The following TNIK variants were observed in gnomAD, a reference collection of about 807,000 sequenced individuals.
TNIK encodes TRAF2 and NCK-interacting protein kinase.
In TNIK, 49 loss-of-function variants were observed where a neutral mutation model predicts 191.3. The observed-to-expected ratio is 0.26, with a 90% CI of 0.20 to 0.32. TNIK has a LOEUF of 0.32. Among genes scored for constraint, TNIK ranks in the 10% least tolerant of loss-of-function variants. The pLI is 1.00. For missense variants in TNIK, 1,155 were observed against 1,702.3 expected, an observed-to-expected ratio of 0.68 and a Z score of 5.66; for synonymous variants, 594 against 600.9, an observed-to-expected ratio of 0.99 and a Z score of 0.17.
intron 18 of TNIK, among the ~76,000 whole-genome samples, chr3:171,117,410 CAT>C (rs1726901497): frequency 6.6e-6 from 1 of 152,160 alleles, no homozygotes; most frequent in Admixed American, 6.6e-5. Flanking sequence ...ACCTTGGACA[CAT>C]GTTAATTTCA....
chr3:171,435,848 C>G (rs1409372796), intron 1 of TNIK, among the ~76,000 whole-genome samples: 2 of 152,014 alleles, frequency 1.3e-5, no homozygotes, highest in African/African-American at 4.8e-5. Flanking sequence ...TTTCCAGATC[C>G]TAAGCCAGAA....
intron 2 of TNIK, among the ~76,000 whole-genome samples, chr3:171,305,356 T>TG (rs11440017): frequency 0.022 from 3,416 of 152,120 alleles, 70 homozygotes; most frequent in African/African-American, 0.057. Context: ...AAGCAAAACT[T>TG]GACAAATGGG....
intron 1 of TNIK, among the ~76,000 whole-genome samples, chr3:171,375,356 G>T (rs918501612): frequency 2.6e-5 from 4 of 152,072 alleles, no homozygotes; most frequent in Admixed American, 6.6e-5. Flanking sequence ...AACTAATCTG[G>T]CCAGTAAACG....
intron 7 of TNIK, among the ~76,000 whole-genome samples, chr3:171,183,921 T>TA (rs11437224): frequency 0.22 from 18,663 of 86,096 alleles, 2,027 homozygotes; most frequent in East Asian, 0.44. Flanking sequence ...GACTCCGTCT[T>TA]AAAAAAAAAA....
At chr3:171,148,945 T>C (rs756137918) in intron 12 of TNIK, among the ~76,000 whole-genome samples, 2 of 152,216 alleles carry the variant, frequency 1.3e-5, no homozygotes, top group Non-Finnish European at 2.9e-5. Context: ...TTGAAGAATA[T>C]TGCAAAAGGA....
At chr3:171,343,304 GA>G (rs967480541) in intron 2 of TNIK, among the ~76,000 whole-genome samples, 1 of 151,898 alleles carries the variant, frequency 6.6e-6, no homozygotes, top group Non-Finnish European at 1.5e-5. Flanking sequence ...ATGATGTAAT[GA>G]AAATGAGACT....
intron 2 of TNIK, among the ~76,000 whole-genome samples, chr3:171,312,058 C>G (rs1754077341): frequency 8.0e-6 from 1 of 124,440 alleles, no homozygotes; most frequent in African/African-American, 3.1e-5. Context: ...GGAGGGGAGA[C>G]ATTTTGTGGC....
rs565066249 is a variant in TNIK, at chr3:171,128,739, G to A, written c.1748C>T (p.Pro583Leu). 7.4e-6 allele frequency: 12 copies of A among 1,613,464 alleles called. No individual in the cohort carries two copies. In the Admixed American group the frequency reaches 1.2e-4, roughly 16 times the overall value. ...CTGGGGATCGACTGGTCTGAGCATGGGGGGTGTTCGAGCAGGCTGAACTCC... is the reference window on the plus strand; with the variant it reads ...CTGGGGATCGACTGGTCTGAGCATGAGGGGTGTTCGAGCAGGCTGAACTCC... ...ISGVQPARTP[P>L]MLRPVDPQIP... is the part of the protein sequence containing the mutation. The change falls in exon 16 of 33, where the codon CCC (proline) becomes CTC (leucine). Residue 583 changes from proline (P) to leucine (L), a missense_variant. Pro to Leu is a moderately conservative substitution (Grantham distance 98). This residue lies in a region of TNIK where 735 missense variants were observed against 848.0 expected (regional missense o/e 0.87). Coordinates refer to ENST00000436636, the MANE Select transcript of TNIK (RefSeq NM_015028.4).
In TNIK at chr3:171,128,886, CCAA is replaced by C; in HGVS notation, c.1609-11_1609-9del. 4.2e-6 allele frequency: 5 copies of C among 1,202,196 alleles called. No homozygotes were observed. The highest frequency in any genetic ancestry group is 3.1e-6 in the Non-Finnish European group (3 of 954,624). 74.5% of individuals were successfully genotyped at this position (1,202,196 alleles called of 1,614,324 possible). On this transcript the variant is annotated splice_polypyrimidine_tract_variant and intron_variant, in intron 15 of 32. Coordinates refer to ENST00000436636, the MANE Select transcript of TNIK (RefSeq NM_015028.4). The stretch of plus-strand genomic sequence containing the variant: ...CCTTGACCGTTCTTCTACCTACAAC[CCAA>C]AAAAAAAAAAAAAAAAAAGACAGCC...
chr3:171,090,974 A>G (rs1721981825), intron 23 of TNIK, among the ~76,000 whole-genome samples: 1 of 152,158 alleles, frequency 6.6e-6, no homozygotes, highest in African/African-American at 2.4e-5. Flanking sequence ...ATCTTATTAT[A>G]ATGAGTTTTT....
At chr3:171,184,414 T>C (rs1737107790) in intron 7 of TNIK, among the ~76,000 whole-genome samples, 2 of 152,204 alleles carry the variant, frequency 1.3e-5, no homozygotes, top group Non-Finnish European at 2.9e-5. Flanking sequence ...AATAGCTCAC[T>C]CTCTTCCCCT....
intron 12 of TNIK, among the ~76,000 whole-genome samples, chr3:171,145,779 C>CTTTTTTTTTTTTTTTTT (rs397875512): frequency 1.5e-5 from 2 of 133,402 alleles, no homozygotes; most frequent in African/African-American, 2.7e-5. Flanking sequence ...TCAGTCTTTC[C>CTTTTTTTTTTTTTTTTT]TTTTTTTTTT....
At chr3:171,147,360 A>G (rs1215043576) in intron 12 of TNIK, among the ~76,000 whole-genome samples, 2 of 152,176 alleles carry the variant, frequency 1.3e-5, no homozygotes, top group Non-Finnish European at 2.9e-5. Flanking sequence ...TTTAAATAGG[A>G]CCATTCTGTA....
At chr3:171,353,418 G>A (rs926085897) in intron 2 of TNIK, among the ~76,000 whole-genome samples, 1 of 152,156 alleles carries the variant, frequency 6.6e-6, no homozygotes, top group Non-Finnish European at 1.5e-5. Flanking sequence ...CTTACTTTAT[G>A]ATGTTGCGGA....
At position 171,190,709 on chromosome 3, in the gene TNIK, C is replaced by G; in HGVS notation, c.496G>C (p.Glu166Gln). The G allele has an allele frequency of 6.3e-7, 1 of 1,590,790 alleles. No individual in the cohort carries two copies. Among genetic ancestry groups the G allele is most frequent in the Non-Finnish European group, 8.6e-7 (1 of 1,166,978 alleles). The change falls in exon 6 of 33, where the codon GAA (glutamate) becomes CAA (glutamine). Residue 166 changes from glutamate to glutamine, a missense_variant. Coordinates refer to ENST00000436636, the MANE Select transcript of TNIK (RefSeq NM_015028.4). ...GQNVLLTENA[E>Q]VKLVDFGVSA... ...ATTCTGCTCTTACCTAGTTTAACTT[C>G]TGCATTTTCAGTCAGCAAGACATTT...
intron 1 of TNIK, among the ~76,000 whole-genome samples, chr3:171,413,545 T>TA (rs1214139301): frequency 6.6e-6 from 1 of 152,202 alleles, no homozygotes; most frequent in African/African-American, 2.4e-5. Flanking sequence ...GTTCAAGTCC[T>TA]ACCAGTCTGT....
chr3:171,098,984 G>A (rs75188238), intron 22 of TNIK, among the ~76,000 whole-genome samples: 6,728 of 152,096 alleles, frequency 0.044, 512 homozygotes, highest in African/African-American at 0.15. Flanking sequence ...TATTTTAAAT[G>A]TTCTTAAACA....
chr3:171,130,682 A>T (rs1233858617), intron 15 of TNIK, among the ~76,000 whole-genome samples: 2 of 152,220 alleles, frequency 1.3e-5, no homozygotes, highest in Non-Finnish European at 2.9e-5. Flanking sequence ...TAATATTTCT[A>T]GACCACTGGA....
Position 171,444,587 on chromosome 3 carries a change from A to G in TNIK, c.57+15420T>C, listed in dbSNP as rs933746041. 9.2e-5 allele frequency among the ~76,000 whole-genome samples: 14 copies of G among 152,058 alleles called. 1 individual carries two copies. In the South Asian group the frequency reaches 2.1e-3, roughly 23 times the overall value. ...GAATAAACTTGCTAAAAAAAAAAAA[A>G]AAAAGAAAAAGACATGTCAATGCAA... On this transcript the variant is annotated intron_variant, in intron 1 of 32. Coordinates refer to ENST00000436636, the MANE Select transcript of TNIK (RefSeq NM_015028.4).
Sources: allele counts gnomAD v4.1 joint callset (sites outside exome capture counted in the v4.1 genomes callset), GRCh38; gene constraint gnomAD v4.1.1; regional missense constraint gnomAD v4.1.1; transcripts MANE v1.5; gene names NCBI Gene and HGNC (gene_info 2026-07-23, HGNC 2026-07-21).